The following TMEM178B variants were observed in gnomAD, a reference collection of about 807,000 sequenced individuals.
TMEM178B encodes the protein transmembrane protein 178B.
In TMEM178B, 5 loss-of-function variants were observed where a neutral mutation model predicts 31.0. That is an observed-to-expected ratio of 0.16 (90% confidence interval 0.08 to 0.34). TMEM178B has a LOEUF of 0.34. TMEM178B is among the 10% of genes least tolerant of loss of function. TMEM178B has a pLI of 1.00. For synonymous variants in TMEM178B, 164 were observed against 164.0 expected (o/e 1.00, Z 0.00); for missense variants, 275 against 400.3 (o/e 0.69, Z 2.67).
At chr7:141,498,540 A>G in the TMEM178B span, among the ~76,000 whole-genome samples, 1 of 152,248 alleles carries the variant, frequency 6.6e-6, no homozygotes, top group Non-Finnish European at 1.5e-5. Context: ...ACCAAGATGT[A>G]TAGAATCTTC....
the TMEM178B span, among the ~76,000 whole-genome samples, chr7:141,487,357 C>G: frequency 6.6e-6 from 1 of 152,168 alleles, no homozygotes; most frequent in East Asian, 1.9e-4. Flanking sequence ...CAAAGGTCTT[C>G]TGCCCTCTGT....
chr7:141,115,624 A>G (rs1021047105), intron 1 of TMEM178B, among the ~76,000 whole-genome samples: 1 of 152,194 alleles, frequency 6.6e-6, no homozygotes, highest in African/African-American at 2.4e-5. Context: ...CTGTTGAGAC[A>G]TAAAAGTAGG....
At chr7:141,185,217 G>C (rs924528925) in intron 1 of TMEM178B, among the ~76,000 whole-genome samples, 1 of 152,228 alleles carries the variant, frequency 6.6e-6, no homozygotes, top group Non-Finnish European at 1.5e-5. Context: ...CCGTCCGTAG[G>C]TGGCTTGTGT....
At position 141,370,554 on chromosome 7, in the gene TMEM178B, C is replaced by T. The variant is rs373550031; in HGVS notation, c.497-67054C>T. The stretch of plus-strand genomic sequence containing the variant: ...ATAGACAGGGACTTTTATTGGTGCT[C>T]AGAAGGAGGAGCTAGTTTAGACTGA... On this transcript the variant is annotated intron_variant, in intron 2 of 3. Transcript: ENST00000565468. Among the ~76,000 whole-genome samples, 165 of 152,224 alleles carry T rather than the reference C, an allele frequency of 1.1e-3. 5 individuals are homozygous for T. In the South Asian group the frequency reaches 0.032, roughly 30 times the overall value.
intron 2 of TMEM178B, among the ~76,000 whole-genome samples, chr7:141,254,185 TTTGA>T (rs1273234231): frequency 6.6e-6 from 1 of 152,218 alleles, no homozygotes; most frequent in Non-Finnish European, 1.5e-5. Context: ...TTCTCTCTTG[TTTGA>T]TTGGCATCTG....
chr7:141,245,780 T>C (rs1470206277), intron 2 of TMEM178B, among the ~76,000 whole-genome samples: 1 of 152,226 alleles, frequency 6.6e-6, no homozygotes, highest in African/African-American at 2.4e-5. Flanking sequence ...GAGTCGATCT[T>C]CATCCAAACC....
intron 2 of TMEM178B, among the ~76,000 whole-genome samples, chr7:141,328,003 G>T (rs960471881): frequency 6.6e-6 from 1 of 152,184 alleles, no homozygotes; most frequent in East Asian, 1.9e-4. Flanking sequence ...AGCACTGGGA[G>T]TATTTAGCCA....
At chr7:141,466,254 C>T (rs971651067) in intron 3 of TMEM178B, among the ~76,000 whole-genome samples, 6 of 152,202 alleles carry the variant, frequency 3.9e-5, no homozygotes, top group African/African-American at 4.8e-5. Flanking sequence ...AAAGGTTCCA[C>T]AGTCACAGAG....
intron 1 of TMEM178B, among the ~76,000 whole-genome samples, chr7:141,136,981 T>G (rs1371901381): frequency 6.6e-6 from 1 of 152,124 alleles, no homozygotes; most frequent in Admixed American, 6.5e-5. Flanking sequence ...ATCAGGGAAA[T>G]GCAAATTAAA....
chr7:141,504,234 C>T, the TMEM178B span, among the ~76,000 whole-genome samples: 4 of 152,198 alleles, frequency 2.6e-5, no homozygotes, highest in Admixed American at 1.3e-4. Flanking sequence ...GATTTTTAAA[C>T]CCCAAGCTTT....
intron 2 of TMEM178B, among the ~76,000 whole-genome samples, chr7:141,221,736 C>G (rs1384046309): frequency 6.6e-6 from 1 of 152,098 alleles, no homozygotes; most frequent in East Asian, 1.9e-4. Context: ...GATGGGTGTT[C>G]TGAAGATGGG....
At chr7:141,334,929 C>T (rs1471238054) in intron 2 of TMEM178B, among the ~76,000 whole-genome samples, 1 of 152,234 alleles carries the variant, frequency 6.6e-6, no homozygotes, top group Non-Finnish European at 1.5e-5. Flanking sequence ...AAACGGTTCT[C>T]AATCCAGGGC....
At chr7:141,138,575 G>A (rs1162390168) in intron 1 of TMEM178B, among the ~76,000 whole-genome samples, 7 of 152,004 alleles carry the variant, frequency 4.6e-5, no homozygotes, top group Non-Finnish European at 8.8e-5. Flanking sequence ...CATGTTTTGG[G>A]AGGTGAATGT....
chr7:141,414,459 T>A (rs979529690), intron 2 of TMEM178B: 1 of 152,594 alleles, frequency 6.6e-6, no homozygotes, highest in Non-Finnish European at 1.5e-5. Flanking sequence ...ATATACCAAT[T>A]GTTGGAATAG....
At chr7:141,278,533 A>G (rs1798304097) in intron 2 of TMEM178B, among the ~76,000 whole-genome samples, 1 of 81,908 alleles carries the variant, frequency 1.2e-5, no homozygotes, top group Non-Finnish European at 2.1e-5. Flanking sequence ...TAGCGAGCCA[A>G]GATTGTGCCA....
intron 2 of TMEM178B, among the ~76,000 whole-genome samples, chr7:141,285,150 G>GTTTTTTTTTTTTTTTTTTT (rs1179131184): frequency 2.5e-5 from 2 of 78,962 alleles, no homozygotes; most frequent in African/African-American, 4.7e-5. Context: ...CAGGATTCTT[G>GTTTTTTTTTTTTTTTTTTT]TTTCTTTTTT....
intron 2 of TMEM178B, among the ~76,000 whole-genome samples, chr7:141,360,666 G>T (rs775787732): frequency 2.0e-5 from 3 of 152,150 alleles, no homozygotes; most frequent in Non-Finnish European, 4.4e-5. Context: ...CAGAGTTAGC[G>T]TTATGTAGGA....
intron 2 of TMEM178B, among the ~76,000 whole-genome samples, chr7:141,336,933 TCACCACCACCATCACCAC>T (rs1799408461): frequency 2.8e-5 from 1 of 35,238 alleles, no homozygotes; most frequent in Non-Finnish European, 5.9e-5. Flanking sequence ...ACCACCACCA[TCACCACCACCATCACCAC>T]CACCACCATC....
intron 3 of TMEM178B, among the ~76,000 whole-genome samples, chr7:141,459,946 GAAAA>G (rs772210040): frequency 1.7e-5 from 2 of 116,966 alleles, no homozygotes; most frequent in Admixed American, 8.8e-5. Flanking sequence ...AATAGATGGA[GAAAA>G]AAAAAAAAAA....
Sources: gnomAD v4.1 joint callset for allele counts (sites outside exome capture counted in the v4.1 genomes callset) on GRCh38, gnomAD v4.1.1 for gene constraint, MANE v1.5 for transcripts, NCBI Gene and HGNC (gene_info 2026-07-23, HGNC 2026-07-21) for gene names.